Variants in SEL1L2 observed in about 807,000 individuals in gnomAD.
The protein encoded by SEL1L2 is protein sel-1 homolog 2.
In SEL1L2, 89 loss-of-function variants were observed where a neutral mutation model predicts 98.8. That is an observed-to-expected ratio of 0.90 (90% confidence interval 0.76 to 1.07). The LOEUF (loss-of-function observed/expected upper bound fraction) is 1.07. Ranked by LOEUF, SEL1L2 falls within the 50% of genes least tolerant of loss-of-function variation. The pLI is 0.00. For synonymous variants in SEL1L2, 262 were observed against 278.5 expected (o/e 0.94, Z 0.59); for missense variants, 788 against 812.0 (o/e 0.97, Z 0.36).
chr20:13,965,410 A>G (rs1455724293), intron 1 of SEL1L2, among the ~76,000 whole-genome samples: 2 of 152,158 alleles, frequency 1.3e-5, no homozygotes, highest in African/African-American at 4.8e-5. Context: ...TGATACATAG[A>G]AGAAGAGAGA....
intron 18 of SEL1L2, among the ~76,000 whole-genome samples, chr20:13,851,131 G>T (rs1031009424): frequency 5.3e-5 from 8 of 152,006 alleles, no homozygotes; most frequent in African/African-American, 1.7e-4. Context: ...CAGTTATTTG[G>T]CACGAGAATT....
chr20:13,851,468 G>C (rs1371344235), intron 18 of SEL1L2: 2 of 151,980 alleles, frequency 1.3e-5, no homozygotes, highest in African/African-American at 4.8e-5. Context: ...ATACTTACAG[G>C]ATGATGAAGA....
chr20:13,958,862 G>A (rs1221497875), intron 1 of SEL1L2, among the ~76,000 whole-genome samples: 1 of 150,448 alleles, frequency 6.6e-6, no homozygotes, highest in African/African-American at 2.4e-5. Context: ...GGCAGAGCTT[G>A]CAGTGAGCTG....
intron 2 of SEL1L2, among the ~76,000 whole-genome samples, chr20:13,954,968 AG>A (rs1403796030): frequency 6.6e-6 from 1 of 152,174 alleles, no homozygotes; most frequent in Non-Finnish European, 1.5e-5. Context: ...CTATATTCAG[AG>A]GGGTTTAGAA....
At chr20:13,983,046 A>AAAAAAAAAAAAAAAAAAC (rs2051933722) in intron 1 of SEL1L2, among the ~76,000 whole-genome samples, 3 of 145,524 alleles carry the variant, frequency 2.1e-5, no homozygotes, top group South Asian at 2.2e-4. Context: ...AAAAAAAAAA[A>AAAAAAAAAAAAAAAAAAC]AAGCAGCAGC....
At chr20:13,966,387 C>T (rs1301763642) in intron 1 of SEL1L2, among the ~76,000 whole-genome samples, 3 of 152,132 alleles carry the variant, frequency 2.0e-5, no homozygotes, top group Non-Finnish European at 4.4e-5. Flanking sequence ...GGCACAATCT[C>T]AGCTCACTGC....
chr20:13,878,213 C>T (rs962259524), intron 10 of SEL1L2, among the ~76,000 whole-genome samples: 2 of 152,166 alleles, frequency 1.3e-5, no homozygotes, highest in Non-Finnish European at 2.9e-5. Context: ...GCCACACTCC[C>T]TAGGCCTCAT....
chr20:13,895,262 G>A (rs958503693), intron 5 of SEL1L2, among the ~76,000 whole-genome samples: 3 of 152,050 alleles, frequency 2.0e-5, no homozygotes, highest in Non-Finnish European at 4.4e-5. Flanking sequence ...GGCCAACATG[G>A]CAAAACCTTG....
At chr20:13,948,640 T>C (rs2050125505) in intron 2 of SEL1L2, among the ~76,000 whole-genome samples, 1 of 152,156 alleles carries the variant, frequency 6.6e-6, no homozygotes, top group Admixed American at 6.5e-5. Context: ...GACACAAAAC[T>C]ATAAAATACT....
At chr20:13,853,496 G>A (rs1419724196) in intron 18 of SEL1L2, among the ~76,000 whole-genome samples, 1 of 152,102 alleles carries the variant, frequency 6.6e-6, no homozygotes, top group East Asian at 1.9e-4. Flanking sequence ...TTACAGGCGT[G>A]AGCCACTGTG....
intron 2 of SEL1L2, among the ~76,000 whole-genome samples, chr20:13,932,801 T>C (rs886382482): frequency 1.3e-5 from 2 of 152,138 alleles, no homozygotes; most frequent in African/African-American, 2.4e-5. Flanking sequence ...TTCTTCAGTA[T>C]AGTTTAAACT....
At chr20:13,855,474 A>G (rs979825648) in intron 18 of SEL1L2, among the ~76,000 whole-genome samples, 9 of 152,218 alleles carry the variant, frequency 5.9e-5, no homozygotes, top group Non-Finnish European at 8.8e-5. Context: ...TACTTTATCA[A>G]GAATGACCTG....
chr20:13,968,597 T>G (rs1466767752), intron 1 of SEL1L2, among the ~76,000 whole-genome samples: 1 of 152,190 alleles, frequency 6.6e-6, no homozygotes, highest in Admixed American at 6.5e-5. Flanking sequence ...TGCTCATTGC[T>G]TCAGAAAAAA....
intron 1 of SEL1L2, among the ~76,000 whole-genome samples, chr20:13,957,710 T>C (rs530953864): frequency 6.6e-6 from 1 of 152,208 alleles, no homozygotes; most frequent in South Asian, 2.1e-4. Flanking sequence ...AGACCCTGTC[T>C]CTACAAAAAA....
chr20:13,907,698 T>C (rs572258144), intron 5 of SEL1L2, among the ~76,000 whole-genome samples: 21 of 124,370 alleles, frequency 1.7e-4, no homozygotes, highest in South Asian at 1.1e-3. Flanking sequence ...CTTTCTTTCT[T>C]TCTCTTTCTT....
Position 13,865,491 on chromosome 20 carries a change from T to C in SEL1L2, c.1428A>G (p.Leu476=), listed in dbSNP as rs1015263110. 1.2e-6 allele frequency: 2 copies of C among 1,613,970 alleles called. No individual in the cohort carries two copies. The highest frequency in any genetic ancestry group is 1.7e-6 in the Non-Finnish European group (2 of 1,179,942). Residue 476 remains leucine, a synonymous_variant, in exon 16 of 20, where the codon CTA becomes CTG. Transcript: ENST00000284951. Reference sequence around the variant, plus strand: ...TCAGGAATTTCTCAGCCCAGTGGCCTAGTTCACAGACACCTTTATAAAGCT... The same window carrying C: ...TCAGGAATTTCTCAGCCCAGTGGCCCAGTTCACAGACACCTTTATAAAGCT... ...AVELYKGVCE[L]GHWAEKFLTA...
At chr20:13,928,591 G>A (rs2048995734) in intron 3 of SEL1L2, among the ~76,000 whole-genome samples, 1 of 152,108 alleles carries the variant, frequency 6.6e-6, no homozygotes, top group South Asian at 2.1e-4. Context: ...GTGTATTACT[G>A]CGGGCCCTAG....
intron 5 of SEL1L2, 79 bp downstream of exon 5, chr20:13,913,703 T>C: frequency 7.9e-7 from 1 of 1,271,934 alleles, no homozygotes. Context: ...GGAATACTAT[T>C]GCTCAACTCC....
intron 2 of SEL1L2, among the ~76,000 whole-genome samples, chr20:13,934,070 C>G (rs996994531): frequency 6.7e-6 from 1 of 150,000 alleles, no homozygotes; most frequent in Non-Finnish European, 1.5e-5. Flanking sequence ...ACCCATCACC[C>G]GAGCAGTATA....
Sources: allele counts gnomAD v4.1 joint callset (sites outside exome capture counted in the v4.1 genomes callset), GRCh38; gene constraint gnomAD v4.1.1; transcripts MANE v1.5; gene names NCBI Gene and HGNC (gene_info 2026-07-23, HGNC 2026-07-21).